TANC2: variants seen among roughly 807,000 people sequenced by gnomAD.
TANC2 encodes tetratricopeptide repeat, ankyrin repeat and coiled-coil containing 2, also known as protein TANC2.
TANC2 carries 26 observed loss-of-function variants against 210.5 expected under a neutral mutation model. The ratio of observed to expected loss-of-function variants is 0.12; its 90% confidence interval spans 0.09 to 0.17. The LOEUF (loss-of-function observed/expected upper bound fraction) is 0.17, where lower values mean the gene tolerates loss of function less well. Ranked by LOEUF, TANC2 falls within the 10% of genes least tolerant of loss-of-function variation. The pLI, the probability that TANC2 is intolerant of heterozygous loss-of-function variation, is 1.00. For synonymous variants in TANC2, 931 were observed against 967.1 expected, an observed-to-expected ratio of 0.96 and a Z score of 0.69; for missense variants, 2,129 against 2,608.9, an observed-to-expected ratio of 0.82 and a Z score of 4.01.
At position 63,418,535 on chromosome 17, in the gene TANC2, C is replaced by A. The variant is rs2048934496; in HGVS notation, c.4268+128C>A. 3 of 795,312 alleles carry A rather than the reference C, an allele frequency of 3.8e-6. No homozygotes were observed. Among genetic ancestry groups the A allele is most frequent in the South Asian group, 1.8e-5 (1 of 55,862 alleles). 49.3% of individuals were successfully genotyped at this position (795,312 alleles called of 1,614,324 possible). On this transcript the variant is annotated intron_variant, in intron 27 of 27. Transcript: ENST00000689528. The surrounding 1 kb of genome is among the most constrained non-coding windows in gnomAD (Gnocchi z 4.6). The stretch of plus-strand genomic sequence containing the variant: ...GTCCTTGAGAACTGTCAGGGCCAAG[C>A]TTTGGGGATGGCTCCCATAGCACAG...
intron 9 of TANC2, among the ~76,000 whole-genome samples, chr17:63,288,949 A>G (rs1214796070): frequency 6.6e-6 from 1 of 152,096 alleles, no homozygotes; most frequent in East Asian, 1.9e-4. Flanking sequence ...CTGAAGGATA[A>G]TTTCTCAGGG....
At chr17:63,366,285 C>T (rs1000137277) in intron 14 of TANC2, among the ~76,000 whole-genome samples, 1 of 152,116 alleles carries the variant, frequency 6.6e-6, no homozygotes, top group Non-Finnish European at 1.5e-5. Context: ...CTGTCTTAAG[C>T]ACTGCTGGGA....
At chr17:63,056,164 G>A (rs2035799715) in intron 2 of TANC2, among the ~76,000 whole-genome samples, 1 of 132,478 alleles carries the variant, frequency 7.5e-6, no homozygotes, top group Non-Finnish European at 1.6e-5. Context: ...GACAGAGTGA[G>A]ACTCTGTGTT....
chr17:63,354,529 C>T (rs1437008135), intron 13 of TANC2, among the ~76,000 whole-genome samples: 2 of 152,046 alleles, frequency 1.3e-5, no homozygotes, highest in Non-Finnish European at 2.9e-5. Context: ...TTTAGAATGA[C>T]GATCATGAAA....
intron 11 of TANC2, among the ~76,000 whole-genome samples, chr17:63,329,225 A>G (rs1032669574): frequency 3.9e-5 from 6 of 152,158 alleles, no homozygotes; most frequent in African/African-American, 1.4e-4. Context: ...AAGAAAAATT[A>G]TAGCATATAC....
chr17:63,249,782 G>A (rs978002740), intron 8 of TANC2, among the ~76,000 whole-genome samples: 3 of 152,180 alleles, frequency 2.0e-5, no homozygotes, highest in African/African-American at 7.2e-5. Context: ...CAGCAGAATG[G>A]CTTCTTGCCC....
chr17:63,027,287 A>T (rs2034591246), intron 2 of TANC2, among the ~76,000 whole-genome samples: 2 of 152,120 alleles, frequency 1.3e-5, no homozygotes, highest in Admixed American at 6.6e-5. Flanking sequence ...TTCTACATTC[A>T]TAAATTTGAG....
chr17:63,325,389 A>G (rs1222363592), intron 11 of TANC2, among the ~76,000 whole-genome samples: 5 of 152,182 alleles, frequency 3.3e-5, no homozygotes, highest in Admixed American at 6.5e-5. Flanking sequence ...CTGGAAAACT[A>G]CCACACCTTG....
intron 8 of TANC2, among the ~76,000 whole-genome samples, chr17:63,249,721 T>C (rs754187289): frequency 1.3e-5 from 2 of 152,116 alleles, no homozygotes. Flanking sequence ...AAATCAAAAA[T>C]GGGCTTTTCA....
intron 21 of TANC2, among the ~76,000 whole-genome samples, chr17:63,408,406 T>G (rs1190311874): frequency 6.6e-6 from 1 of 152,248 alleles, no homozygotes; most frequent in Non-Finnish European, 1.5e-5. Flanking sequence ...ATTTGTTTCA[T>G]GTGTATCTCC....
At chr17:63,040,155 G>T (rs771101342) in intron 2 of TANC2, among the ~76,000 whole-genome samples, 10 of 152,124 alleles carry the variant, frequency 6.6e-5, no homozygotes, top group Non-Finnish European at 1.3e-4. Context: ...TGACTGTAAT[G>T]CAGTGTGAGT....
intron 2 of TANC2, among the ~76,000 whole-genome samples, chr17:63,068,892 A>G (rs2036298233): frequency 6.6e-6 from 1 of 152,148 alleles, no homozygotes; most frequent in Non-Finnish European, 1.5e-5. Flanking sequence ...TAATATAAAC[A>G]TTTGTGGAGG....
intron 5 of TANC2, among the ~76,000 whole-genome samples, chr17:63,177,264 C>CAAAAAAAAAAAAAA (rs755034454): frequency 1.4e-5 from 1 of 73,272 alleles, no homozygotes; most frequent in Non-Finnish European, 2.7e-5. Flanking sequence ...GACTCTGTCT[C>CAAAAAAAAAAAAAA]AAAAAAAAAA....
At position 63,242,183 on chromosome 17, in the gene TANC2, T is replaced by G. The variant is rs1417779064; in HGVS notation, c.1033+4106T>G. On this transcript the variant is annotated intron_variant, in intron 8 of 27. Coordinates refer to ENST00000689528, the Ensembl canonical transcript of TANC2. ...AGACATATCTCTTGAGATTCATTAT[T>G]TTACCCAAAAAAATGCTAACTGTGA... Among the ~76,000 whole-genome samples, 3 of 152,082 alleles carry G rather than the reference T, an allele frequency of 2.0e-5. No homozygotes were observed. In the East Asian group the frequency reaches 5.8e-4, roughly 29 times the overall value.
intron 2 of TANC2, among the ~76,000 whole-genome samples, chr17:63,035,632 AT>A (rs1422698864): frequency 6.6e-6 from 1 of 152,198 alleles, no homozygotes; most frequent in East Asian, 1.9e-4. Flanking sequence ...ATTATTTCCA[AT>A]TTTAGGTGAT....
intron 13 of TANC2, among the ~76,000 whole-genome samples, chr17:63,352,437 G>T (rs1366624717): frequency 1.3e-5 from 2 of 151,976 alleles, no homozygotes; most frequent in Middle Eastern, 6.3e-3. Flanking sequence ...TTGAGCTAAA[G>T]GATATGGATA....
At chr17:63,329,129 T>G (rs1481885562) in intron 11 of TANC2, among the ~76,000 whole-genome samples, 1 of 152,164 alleles carries the variant, frequency 6.6e-6, no homozygotes, top group Admixed American at 6.6e-5. Context: ...AATGTTTGCT[T>G]TGAAAAATAG....
intron 2 of TANC2, among the ~76,000 whole-genome samples, chr17:63,049,737 C>T (rs1042539229): frequency 6.6e-6 from 1 of 152,048 alleles, no homozygotes; most frequent in Non-Finnish European, 1.5e-5. Flanking sequence ...ATTCTGGTTG[C>T]AGTATTGAGA....
chr17:63,340,072 C>A (rs2146787521), intron 11 of TANC2, 29 bp from the exon 12 acceptor site: 1 of 1,540,452 alleles, frequency 6.5e-7, no homozygotes, highest in South Asian at 1.1e-5. Flanking sequence ...ACTGATAAGC[C>A]TGTTTGCATT....
Sources: gnomAD v4.1 joint callset for allele counts (sites outside exome capture counted in the v4.1 genomes callset) on GRCh38, gnomAD v4.1.1 for gene constraint, Gnocchi (gnomAD v3.1) non-coding constraint, MANE v1.5 for transcripts, NCBI Gene and HGNC (gene_info 2026-07-23, HGNC 2026-07-21) for gene names.